Variants in FGB observed in about 807,000 individuals in gnomAD.
The protein encoded by FGB is beta-fibrinogen.
In FGB, 25 loss-of-function variants were observed where a neutral mutation model predicts 57.9. That is an observed-to-expected ratio of 0.43 (90% CI 0.31 to 0.60). The LOEUF is 0.60. FGB is among the 20% of genes least tolerant of loss of function. The pLI is 0.08. For missense variants in FGB, 536 were observed against 598.4 expected, an observed-to-expected ratio of 0.90 and a Z score of 1.09; for synonymous variants, 203 against 199.2, an observed-to-expected ratio of 1.02 and a Z score of -0.16.
Position 154,567,780 on chromosome 4 carries a change from A to G in FGB, c.678A>G (p.Pro226=), listed in dbSNP as rs1730225286. ...VSAQMEYCRT[P]CTVSCNIPVV... is the part of the protein sequence containing the mutation. ...CTCAAATGGAATATTGTCGCACCCC[A>G]TGCACTGTCAGTTGCAATATTCCTG... is the stretch of plus-strand genomic sequence containing the variant. The change falls in exon 4 of 8, where the codon CCA becomes CCG. Residue 226 remains proline (P), a synonymous_variant. Transcript: ENST00000302068. 6.2e-7 allele frequency: 1 copy of G among 1,613,908 alleles called. No homozygotes were observed. The highest frequency in any genetic ancestry group is 1.3e-5 in the African/African-American group (1 of 74,914).
Position 154,571,720 on chromosome 4 carries a change from G to C in FGB, c.*1070G>C, listed in dbSNP as rs2227425. Reference sequence around the variant, plus strand: ...GAACTAAAGTAAAAGTGGTTTTTCTGTTCTTTCTACTTCTCCCCATGAAAT... The same window carrying C: ...GAACTAAAGTAAAAGTGGTTTTTCTCTTCTTTCTACTTCTCCCCATGAAAT... On this transcript the variant is annotated 3_prime_UTR_variant, in exon 8 of 8. Transcript: ENST00000302068. 7.1e-3 allele frequency among the ~76,000 whole-genome samples: 1,076 copies of C among 152,060 alleles called. 14 individuals carry two copies. The highest frequency in any genetic ancestry group is 0.025 in the African/African-American group (1,033 of 41,468).
chr4:154,569,411 G>A (rs1730315595), intron 6 of FGB, 103 bp from the exon 7 acceptor site: 1 of 1,584,516 alleles, frequency 6.3e-7, no homozygotes. Context: ...GTTAAGAGGA[G>A]TTTCCTGACA....
chr4:154,564,627 C>T (rs1730079407), intron 1 of FGB, among the ~76,000 whole-genome samples: 1 of 152,004 alleles, frequency 6.6e-6, no homozygotes, highest in Non-Finnish European at 1.5e-5. Flanking sequence ...AATGACAATG[C>T]AATTCCAAAT....
rs964302458 is a variant in FGB at position 154,570,486 on chromosome 4, C to T, written c.1312C>T (p.His438Tyr). ...DGGGWWYNRC[H>Y]AANPNGRYYW... ...TGGTGGATGGTGGTATAATAGATGTCATGCAGCCAATCCAAACGGCAGATA... is the reference window on the plus strand; with the variant it reads ...TGGTGGATGGTGGTATAATAGATGTTATGCAGCCAATCCAAACGGCAGATA... Residue 438 changes from histidine (H) to tyrosine (Y), a missense_variant, in exon 8 of 8, where the codon CAT (histidine) becomes TAT (tyrosine). Physicochemically the swap from His to Tyr is moderately conservative, Grantham distance 83. This residue lies in a region of FGB where 177 missense variants were observed against 193.7 expected (regional missense o/e 0.91). Coordinates refer to ENST00000302068, the MANE Select transcript of FGB (RefSeq NM_005141.5). 3 of 1,614,030 alleles carry T rather than the reference C, an allele frequency of 1.9e-6. No homozygotes were observed. The African/African-American group carries it at 4.0e-5, about 22-fold the overall frequency.
Position 154,567,730 on chromosome 4 carries a change from CAA to C in FGB, c.631_632del (p.Lys211ValfsTer4). ...CCTGGAAAACCTGAGAAGCAAAATA[CAA>C]AAGTTAGAATCTGATGTCTCAGCTC... ...SILENLRSKI[Q>X]KLESDVSAQM... On this transcript the variant is annotated frameshift_variant, in exon 4 of 8. Transcript: ENST00000302068. LOFTEE classifies it high-confidence loss of function. The C allele has an allele frequency of 6.2e-7, 1 of 1,614,110 alleles. No homozygotes were observed. The highest frequency in any genetic ancestry group is 8.5e-7 in the Non-Finnish European group (1 of 1,179,996).
At position 154,570,450 on chromosome 4, in the gene FGB, A is replaced by G; in HGVS notation, c.1276A>G (p.Lys426Glu). 3 of 1,614,106 alleles carry G rather than the reference A, an allele frequency of 1.9e-6. No individual in the cohort carries two copies. The South Asian group carries it at 3.3e-5, about 18-fold the overall frequency. The change falls in exon 8 of 8, where the codon AAA becomes GAA. Residue 426 changes from lysine to glutamate, a missense_variant. Lys to Glu is a moderately conservative substitution (Grantham distance 56). Transcript: ENST00000302068. ...ATCAGATCCCAGAAAACAGTGTTCT[A>G]AAGAAGACGGTGGTGGATGGTGGTA... Reference protein sequence around the residue: ...LTSDPRKQCSKEDGGGWWYNR... With the variant: ...LTSDPRKQCSEEDGGGWWYNR...
At position 154,572,555 on chromosome 4, in the gene FGB, G is replaced by A. The variant is rs1560820167; in HGVS notation, c.*1905G>A. Reference sequence around the variant, plus strand: ...CTGAGTTCCAACGGACAGGCAGGGAGTTCAAGTGTCCTTCACAGATAAGAA... The same window carrying A: ...CTGAGTTCCAACGGACAGGCAGGGAATTCAAGTGTCCTTCACAGATAAGAA... On this transcript the variant is annotated 3_prime_UTR_variant, in exon 8 of 8. Coordinates refer to ENST00000302068, the MANE Select transcript of FGB (RefSeq NM_005141.5). Among the ~76,000 whole-genome samples, 2 of 152,198 alleles carry A rather than the reference G, an allele frequency of 1.3e-5. No homozygotes were observed. The highest frequency in any genetic ancestry group is 1.3e-4 in the Admixed American group (2 of 15,278).
At position 154,566,573 on chromosome 4, in the gene FGB, A is replaced by G. The variant is rs142641543; in HGVS notation, c.391A>G (p.Asn131Asp). ...AATCAGAAATAGTGTTGATGAGTTA[A>G]ATAACAATGTGGAAGCTGTTTCCCA... ...RPIRNSVDEL[N>D]NNVEAVSQTS... The change falls in exon 3 of 8, where the codon AAT becomes GAT. Residue 131 changes from asparagine (N) to aspartate (D), a missense_variant. Coordinates refer to ENST00000302068, the MANE Select transcript of FGB (RefSeq NM_005141.5). 18 of 1,613,998 alleles carry G rather than the reference A, an allele frequency of 1.1e-5. No individual in the cohort carries two copies. The African/African-American group carries it at 2.1e-4, about 19-fold the overall frequency.
intron 1 of FGB, among the ~76,000 whole-genome samples, chr4:154,564,467 T>A (rs904655773): frequency 2.6e-5 from 4 of 152,114 alleles, no homozygotes; most frequent in African/African-American, 9.7e-5. Flanking sequence ...ATGACTTCAA[T>A]GTGAAATATG....
In FGB at chr4:154,570,406, C is replaced by T. The variant is rs1342789054; in HGVS notation, c.1245-13C>T. The stretch of plus-strand genomic sequence containing the variant: ...GTTCTGTTTCTAATAACGCCAAACA[C>T]ATTTTCTTTCAGGTTAACATCAGAT... On this transcript the variant is annotated splice_polypyrimidine_tract_variant and intron_variant, in intron 7 of 7. Coordinates refer to ENST00000302068, the MANE Select transcript of FGB (RefSeq NM_005141.5). 1 of 1,602,666 alleles carries T rather than the reference C, an allele frequency of 6.2e-7. No individual in the cohort carries two copies. The highest frequency in any genetic ancestry group is 1.3e-5 in the African/African-American group (1 of 74,674).
chr4:154,572,224 T>C lies in FGB; in HGVS notation c.*1574T>C, dbSNP rs879292967. On this transcript the variant is annotated 3_prime_UTR_variant, in exon 8 of 8. Transcript: ENST00000302068. Reference sequence around the variant, plus strand: ...CCATTCCAGGACAGGTCAGGCCCTTTAAAAATTTCAACAGCTTTATTGAGA... The same window carrying C: ...CCATTCCAGGACAGGTCAGGCCCTTCAAAAATTTCAACAGCTTTATTGAGA... Among the ~76,000 whole-genome samples, 4 of 152,144 alleles carry C rather than the reference T, an allele frequency of 2.6e-5. No individual in the cohort carries two copies. The highest frequency in any genetic ancestry group is 4.4e-5 in the Non-Finnish European group (3 of 68,036).
Position 154,563,071 on chromosome 4 carries a change from T to C in FGB, c.53T>C (p.Leu18Pro), listed in dbSNP as rs1166051982. ...CACAAACTTAAAACCATGAAACATC[T>C]ATTATTGCTACTATTGTGTGTTTTT... ...SFHKLKTMKH[L>P]LLLLLCVFLV... The change falls in exon 1 of 8, where the codon CTA becomes CCA. Residue 18 changes from leucine (L) to proline (P), a missense_variant. Around this residue, in one of 3 missense-constraint regions of FGB, gnomAD observed 354 missense variants for 383.4 expected, o/e 0.92. Coordinates refer to ENST00000302068, the MANE Select transcript of FGB (RefSeq NM_005141.5). The C allele has an allele frequency of 6.3e-7, 1 of 1,577,074 alleles. No individual in the cohort carries two copies. The highest frequency in any genetic ancestry group is 2.3e-5 in the East Asian group (1 of 43,340).
intron 1 of FGB, 151 bp downstream of exon 1, chr4:154,563,283 G>A (rs1730024624): frequency 2.0e-6 from 1 of 497,968 alleles, no homozygotes; most frequent in Non-Finnish European, 3.5e-6. Context: ...TTTAAAGAAT[G>A]TTTCATAGTA....
At chr4:154,568,561 C>G in intron 5 of FGB, 67 bp downstream of exon 5, 1 of 925,982 alleles carries the variant, frequency 1.1e-6, no homozygotes, top group Admixed American at 1.7e-5. Context: ...TGCCAGGAAA[C>G]AAGGCCAGGT....
Position 154,570,948 on chromosome 4 carries a change from C to T in FGB, c.*298C>T, listed in dbSNP as rs1730398155. The T allele has an allele frequency of 2.4e-6, 1 of 414,264 alleles. No individual in the cohort carries two copies. Among genetic ancestry groups the T allele is most frequent in the Admixed American group, 3.8e-5 (1 of 26,326 alleles). The allele number at this position is 414,264 out of a possible 1,614,324, so 25.7% of individuals were successfully genotyped here. On this transcript the variant is annotated 3_prime_UTR_variant, in exon 8 of 8. Coordinates refer to ENST00000302068, the MANE Select transcript of FGB (RefSeq NM_005141.5). ...AAATAAGGAAGAGGGGTCTTTTATCCTTGTCGTAGGAAAACCATGACGGAA... is the reference window on the plus strand; with the variant it reads ...AAATAAGGAAGAGGGGTCTTTTATCTTTGTCGTAGGAAAACCATGACGGAA...
chr4:154,566,400 C>A, intron 2 of FGB, 89 bp from the exon 3 acceptor site: 4 of 1,196,412 alleles, frequency 3.3e-6, no homozygotes, highest in Non-Finnish European at 3.7e-6. Flanking sequence ...GTTGGCTAAT[C>A]GTATCGCTGA....
In FGB at chr4:154,567,698, G is replaced by C. The variant is rs548206997; in HGVS notation, c.596G>C (p.Arg199Pro). 3 of 1,613,614 alleles carry C rather than the reference G, an allele frequency of 1.9e-6. No individual in the cohort carries two copies. The highest frequency in any genetic ancestry group is 2.5e-6 in the Non-Finnish European group (3 of 1,179,702). ...ATCCCAACTAACCTTCGTGTGCTTC[G>C]TTCAATCCTGGAAAACCTGAGAAGC... ...SNIPTNLRVL[R>P]SILENLRSKI... is the part of the protein sequence containing the mutation. Residue 199 changes from arginine (R) to proline (P), a missense_variant, in exon 4 of 8, where the codon CGT becomes CCT. Coordinates refer to ENST00000302068, the MANE Select transcript of FGB (RefSeq NM_005141.5).
chr4:154,564,338 C>T (rs1730067494), intron 1 of FGB, among the ~76,000 whole-genome samples: 1 of 151,996 alleles, frequency 6.6e-6, no homozygotes, highest in South Asian at 2.1e-4. Flanking sequence ...TGCTACCTCT[C>T]TAGTGGCACT....
Position 154,567,679 on chromosome 4 carries a change from A to G in FGB, c.577A>G (p.Thr193Ala), listed in dbSNP as rs775110705. The change falls in exon 4 of 8, where the codon ACT (threonine) becomes GCT (alanine). Residue 193 changes from threonine (T) to alanine (A), a missense_variant. This residue lies in a region of FGB where 354 missense variants were observed against 383.4 expected (regional missense o/e 0.92). Coordinates refer to ENST00000302068, the MANE Select transcript of FGB (RefSeq NM_005141.5). Reference protein sequence around the residue: ...IDETVNSNIPTNLRVLRSILE... With the variant: ...IDETVNSNIPANLRVLRSILE... Reference sequence around the variant, plus strand: ...TGAGACTGTGAATAGCAATATCCCAACTAACCTTCGTGTGCTTCGTTCAAT... The same window carrying G: ...TGAGACTGTGAATAGCAATATCCCAGCTAACCTTCGTGTGCTTCGTTCAAT... 9.9e-6 allele frequency: 16 copies of G among 1,613,802 alleles called. No homozygotes were observed. Among genetic ancestry groups the G allele is most frequent in the African/African-American group, 2.7e-5 (2 of 74,920 alleles).
Sources: allele counts gnomAD v4.1 joint callset (sites outside exome capture counted in the v4.1 genomes callset), GRCh38; gene constraint gnomAD v4.1.1; regional missense constraint gnomAD v4.1.1; transcripts MANE v1.5; gene names NCBI Gene and HGNC (gene_info 2026-07-23, HGNC 2026-07-21).